Variants in MTUS2 observed in about 807,000 individuals in gnomAD.
The protein encoded by MTUS2 is microtubule associated scaffold protein 2, also known as microtubule-associated tumor suppressor candidate 2.
MTUS2 carries 40 observed loss-of-function variants against 114.1 expected under a neutral mutation model. The observed-to-expected ratio is 0.35, with a 90% CI of 0.27 to 0.46. MTUS2 has a LOEUF of 0.46. MTUS2 is among the 20% of genes least tolerant of loss of function. The probability of loss-of-function intolerance (pLI) is 1.00; values close to 1 mark genes in which losing one functional copy is unlikely to be tolerated. For missense variants in MTUS2, 1,679 were observed against 1,705.4 expected (o/e 0.98, Z 0.27); for synonymous variants, 688 against 672.0 (o/e 1.02, Z -0.37).
chr13:28,837,868 A>C (rs574814241), intron 1 of MTUS2, among the ~76,000 whole-genome samples: 1 of 152,304 alleles, frequency 6.6e-6, no homozygotes, highest in Admixed American at 6.5e-5. Context: ...TTAAAGGGGA[A>C]AGTCGCTATT....
At chr13:29,314,964 T>C (rs549618116) in intron 6 of MTUS2, among the ~76,000 whole-genome samples, 2 of 152,308 alleles carry the variant, frequency 1.3e-5, no homozygotes, top group South Asian at 2.1e-4. Flanking sequence ...ACGTGGTACA[T>C]ATACACAATG....
intron 9 of MTUS2, among the ~76,000 whole-genome samples, chr13:29,479,907 G>A (rs1004698067): frequency 1.8e-4 from 28 of 152,186 alleles, no homozygotes; most frequent in South Asian, 6.2e-4. Context: ...TTCTCCAGCC[G>A]CTGGATGACC....
chr13:29,059,409 AGTCGCAGTT>A (rs1565985125), intron 4 of MTUS2, among the ~76,000 whole-genome samples: 1 of 152,100 alleles, frequency 6.6e-6, no homozygotes, highest in South Asian at 2.1e-4. Context: ...CTGATGCAGG[AGTCGCAGTT>A]GGCAGACAGG....
At chr13:29,080,535 A>C (rs1889394310) in intron 4 of MTUS2, among the ~76,000 whole-genome samples, 1 of 152,186 alleles carries the variant, frequency 6.6e-6, no homozygotes, top group South Asian at 2.1e-4. Context: ...AAAGCTGAAG[A>C]ACTTGGAGTC....
chr13:29,084,532 C>A (rs1385976202), intron 4 of MTUS2, among the ~76,000 whole-genome samples: 9 of 149,020 alleles, frequency 6.0e-5, no homozygotes, highest in African/African-American at 2.0e-4. Flanking sequence ...CCCCTCTCCC[C>A]CCCTTCTTTT....
chr13:29,215,396 G>C (rs1895634100), intron 5 of MTUS2, among the ~76,000 whole-genome samples: 1 of 150,596 alleles, frequency 6.6e-6, no homozygotes, highest in African/African-American at 2.4e-5. Flanking sequence ...GTGCAGTTCT[G>C]TGCCTGTGCT....
intron 5 of MTUS2, among the ~76,000 whole-genome samples, chr13:29,213,849 A>G (rs778962807): frequency 8.6e-5 from 13 of 152,016 alleles, no homozygotes; most frequent in Non-Finnish European, 1.6e-4. Flanking sequence ...CCATCTTGCT[A>G]TATTTTCTAT....
intron 8 of MTUS2, among the ~76,000 whole-genome samples, chr13:29,429,258 G>A (rs1321691157): frequency 6.6e-6 from 1 of 152,216 alleles, no homozygotes; most frequent in Non-Finnish European, 1.5e-5. Context: ...ACGTTCCACT[G>A]GGGAATTTAG....
intron 6 of MTUS2, among the ~76,000 whole-genome samples, chr13:29,324,043 T>G (rs1043553013): frequency 6.6e-6 from 1 of 152,210 alleles, no homozygotes; most frequent in African/African-American, 2.4e-5. Context: ...CACATGCTTT[T>G]GCTGGACCAG....
intron 2 of MTUS2, among the ~76,000 whole-genome samples, chr13:28,991,816 A>G (rs763893734): frequency 1.3e-5 from 2 of 152,166 alleles, no homozygotes; most frequent in African/African-American, 4.8e-5. Context: ...GGCAGCACCC[A>G]GGTAGTAGAG....
intron 1 of MTUS2, among the ~76,000 whole-genome samples, chr13:28,828,840 T>C (rs1239710567): frequency 1.3e-5 from 2 of 152,368 alleles, no homozygotes; most frequent in East Asian, 1.9e-4. Flanking sequence ...TACTGAGTTT[T>C]CCTTTTGTGT....
In MTUS2 at chr13:28,890,285, C is replaced by G. The variant is rs371479614; in HGVS notation, c.-243+50435C>G. Reference sequence around the variant, plus strand: ...CCATGCTTTTTGCTGTATATAAGAACTACCATTATTAGTTACGTCTCTCTG... The same window carrying G: ...CCATGCTTTTTGCTGTATATAAGAAGTACCATTATTAGTTACGTCTCTCTG... On this transcript the variant is annotated intron_variant, in intron 2 of 15. Coordinates refer to ENST00000612955, the MANE Select transcript of MTUS2 (RefSeq NM_001033602.4). 2.3e-4 allele frequency among the ~76,000 whole-genome samples: 35 copies of G among 152,290 alleles called. 1 individual carries two copies. The East Asian group carries it at 6.4e-3, about 28-fold the overall frequency.
chr13:29,223,691 A>G (rs777029019), intron 5 of MTUS2, among the ~76,000 whole-genome samples: 2 of 152,220 alleles, frequency 1.3e-5, no homozygotes, highest in Non-Finnish European at 2.9e-5. Flanking sequence ...AAAGAACTGT[A>G]ACACAAACAG....
rs138822822 is a variant in MTUS2 at position 29,054,404 on chromosome 13, G to A, written c.2446+20279G>A. ...ACTTAACAGTGTCTTTCAAAGAGTAGACTTTTAATTTTGATAAATTCCAGT... is the reference window on the plus strand; with the variant it reads ...ACTTAACAGTGTCTTTCAAAGAGTAAACTTTTAATTTTGATAAATTCCAGT... On this transcript the variant is annotated intron_variant, in intron 4 of 15. Transcript: ENST00000612955. Among the ~76,000 whole-genome samples the A allele has an allele frequency of 6.6e-3, 1,005 of 152,158 alleles. 9 individuals are homozygous for A. Among genetic ancestry groups the A allele is most frequent in the African/African-American group, 0.023 (960 of 41,534 alleles).
chr13:29,436,994 C>G (rs1367893709), intron 8 of MTUS2, among the ~76,000 whole-genome samples: 1 of 152,102 alleles, frequency 6.6e-6, no homozygotes, highest in Admixed American at 6.5e-5. Context: ...AGCGCCATAC[C>G]GAAGAGGCCT....
At chr13:28,904,519 C>T (rs1168965666) in intron 2 of MTUS2, among the ~76,000 whole-genome samples, 8 of 152,058 alleles carry the variant, frequency 5.3e-5, no homozygotes, top group African/African-American at 9.7e-5. Flanking sequence ...GAATCCTTTC[C>T]CCATTTCTTG....
intron 4 of MTUS2, among the ~76,000 whole-genome samples, chr13:29,068,427 G>A (rs1888759836): frequency 6.7e-6 from 1 of 149,776 alleles, no homozygotes; most frequent in African/African-American, 2.5e-5. Context: ...GTGAAGCACA[G>A]GTGTAATAAA....
At chr13:29,279,457 C>T (rs1898186773) in intron 5 of MTUS2, among the ~76,000 whole-genome samples, 1 of 152,192 alleles carries the variant, frequency 6.6e-6, no homozygotes, top group Non-Finnish European at 1.5e-5. Context: ...TTGTTTTCTT[C>T]CTCTTACCAA....
At chr13:29,392,898 C>T (rs921949676) in intron 8 of MTUS2, among the ~76,000 whole-genome samples, 2 of 151,974 alleles carry the variant, frequency 1.3e-5, no homozygotes, top group African/African-American at 4.8e-5. Flanking sequence ...TGTATTTTAC[C>T]ACAATAAAAA....
Sources: gnomAD v4.1 joint callset for allele counts (sites outside exome capture counted in the v4.1 genomes callset) on GRCh38, gnomAD v4.1.1 for gene constraint, MANE v1.5 for transcripts, NCBI Gene and HGNC (gene_info 2026-07-23, HGNC 2026-07-21) for gene names.